Variants in PKD2 observed in about 807,000 individuals in gnomAD.
The protein encoded by PKD2 is polycystin 2, transient receptor potential cation channel, also known as polycystin-2.
PKD2 carries 48 observed loss-of-function variants against 105.9 expected under a neutral mutation model. That is an observed-to-expected ratio of 0.45 (90% CI 0.36 to 0.58). The LOEUF is 0.58. Ranked by LOEUF, PKD2 falls within the 20% of genes least tolerant of loss-of-function variation. The probability of loss-of-function intolerance (pLI) is 0.00; values close to 1 mark genes in which losing one functional copy is unlikely to be tolerated. For missense variants in PKD2, 1,078 were observed against 1,255.3 expected (o/e 0.86, Z 2.13); for synonymous variants, 464 against 481.1 (o/e 0.96, Z 0.46).
chr4:88,055,040 T>C (rs1040746364), intron 7 of PKD2, among the ~76,000 whole-genome samples: 1 of 152,216 alleles, frequency 6.6e-6, no homozygotes, highest in African/African-American at 2.4e-5. Flanking sequence ...CCATCCTCAG[T>C]GCCTTATCTA....
intron 2 of PKD2, 41 bp from the exon 3 acceptor site, chr4:88,036,179 G>C: frequency 6.2e-7 from 1 of 1,613,544 alleles, no homozygotes; most frequent in African/African-American, 1.3e-5. Context: ...AATGTGTGCC[G>C]GTTCCCTTGG....
intron 14 of PKD2, 25 bp downstream of exon 14, chr4:88,074,984 C>T (rs368880207): frequency 2.4e-5 from 38 of 1,612,030 alleles, no homozygotes; most frequent in Non-Finnish European, 3.1e-5. Flanking sequence ...GCTGAAAACA[C>T]CGCTGCTGAG....
At chr4:88,042,310 G>GA (rs1727594552) in intron 4 of PKD2, among the ~76,000 whole-genome samples, 3 of 152,334 alleles carry the variant, frequency 2.0e-5, no homozygotes, top group African/African-American at 7.2e-5. Context: ...CTTGTGCAGG[G>GA]AAAATCCCAC....
Position 88,008,035 on chromosome 4 carries a change from A to G in PKD2, c.302A>G (p.Glu101Gly). The G allele has an allele frequency of 6.6e-7, 1 of 1,520,930 alleles. No individual in the cohort carries two copies. Among genetic ancestry groups the G allele is most frequent in the Non-Finnish European group, 8.8e-7 (1 of 1,139,182 alleles). 94.2% of individuals were successfully genotyped at this position (1,520,930 alleles called of 1,614,324 possible). ...GGCTTCGAGGCCGAGGAGGAGGAGG[A>G]GGAGGTGGAAGGGGAAGAAGGCGGA... ...NPGFEAEEEE[E>G]EVEGEEGGMV... The change falls in exon 1 of 15, where the codon GAG (glutamate) becomes GGG (glycine). Residue 101 changes from glutamate to glycine, a missense_variant. Coordinates refer to ENST00000237596, the MANE Select transcript of PKD2 (RefSeq NM_000297.4).
At position 88,067,915 on chromosome 4, in the gene PKD2, T is replaced by A. The variant is rs762845744; in HGVS notation, c.2376T>A (p.Asp792Glu). ...TTCTTCAGGAGGACCTGGATTTGGA[T>A]CACAGTTCTTTACCACGTCCCATGA... is the stretch of plus-strand genomic sequence containing the variant. ...LEKEREDLDL[D>E]HSSLPRPMSS... is the part of the protein sequence containing the mutation. Residue 792 changes from aspartate to glutamate, a missense_variant, in exon 13 of 15, where the codon GAT (aspartate) becomes GAA (glutamate). This residue lies in a region of PKD2 where 868 missense variants were observed against 1,067.3 expected (regional missense o/e 0.81). Coordinates refer to ENST00000237596, the MANE Select transcript of PKD2 (RefSeq NM_000297.4). 1.2e-6 allele frequency: 2 copies of A among 1,613,976 alleles called. No individual in the cohort carries two copies. Among genetic ancestry groups the A allele is most frequent in the Non-Finnish European group, 1.7e-6 (2 of 1,179,970 alleles).
chr4:88,030,194 C>T (rs1451351583), intron 2 of PKD2, among the ~76,000 whole-genome samples: 2 of 152,148 alleles, frequency 1.3e-5, no homozygotes, highest in African/African-American at 4.8e-5. Context: ...CTCTGTCACC[C>T]AGGCTGGGGT....
chr4:88,040,763 TG>T, intron 4 of PKD2, among the ~76,000 whole-genome samples: 1 of 152,312 alleles, frequency 6.6e-6, no homozygotes, highest in African/African-American at 2.4e-5. Flanking sequence ...CTCTACACTT[TG>T]GGTTCTTTTA....
In PKD2 at chr4:88,071,497, T is replaced by C. The variant is rs113884454; in HGVS notation, c.2523-3315T>C. ...CTCAAAGACAGTTTCAGTTGTCTTT[T>C]TTTTTTTCTTCTTGTGTATGGGAAC... On this transcript the variant is annotated intron_variant, in intron 13 of 14. Transcript: ENST00000237596. Among the ~76,000 whole-genome samples, 1,420 of 152,272 alleles carry C rather than the reference T, an allele frequency of 9.3e-3. 21 individuals are homozygous for C. The highest frequency in any genetic ancestry group is 0.032 in the African/African-American group (1,334 of 41,552).
Position 88,053,589 on chromosome 4 carries a change from G to A in PKD2, c.1716+1431G>A, listed in dbSNP as rs557831595. Among the ~76,000 whole-genome samples, 6 of 151,754 alleles carry A rather than the reference G, an allele frequency of 4.0e-5. No individual in the cohort carries two copies. The East Asian group carries it at 7.8e-4, about 20-fold the overall frequency. ...GGAGGATTGCTTGAATCCAGAAGGC[G>A]GAGGGTGCAGTGAGCCAAGATCGCA... On this transcript the variant is annotated intron_variant, in intron 7 of 14. Coordinates refer to ENST00000237596, the MANE Select transcript of PKD2 (RefSeq NM_000297.4).
At chr4:88,036,438 A>G (rs1481007299) in intron 3 of PKD2, 85 bp downstream of exon 3, 13 of 1,595,662 alleles carry the variant, frequency 8.1e-6, no homozygotes, top group African/African-American at 1.3e-5. Flanking sequence ...GAGTATCGAC[A>G]GGACCTGCTT....
chr4:88,063,876 T>A (rs1420738409), intron 10 of PKD2, among the ~76,000 whole-genome samples: 1 of 150,482 alleles, frequency 6.6e-6, no homozygotes, highest in Non-Finnish European at 1.5e-5. Flanking sequence ...ATGTTGGGGC[T>A]GGACATGGTG....
intron 7 of PKD2, among the ~76,000 whole-genome samples, chr4:88,053,229 G>C (rs1720180142): frequency 6.6e-6 from 1 of 152,174 alleles, no homozygotes; most frequent in African/African-American, 2.4e-5. Context: ...AATGGCTACT[G>C]TCTAGGACAG....
At chr4:88,064,691 A>C (rs1470501502) in intron 10 of PKD2, among the ~76,000 whole-genome samples, 1 of 151,854 alleles carries the variant, frequency 6.6e-6, no homozygotes, top group Non-Finnish European at 1.5e-5. Flanking sequence ...CAGGAGTTCA[A>C]CACCAGCCTG....
At chr4:88,068,847 A>T (rs115205671) in intron 13 of PKD2, among the ~76,000 whole-genome samples, 422 of 152,312 alleles carry the variant, frequency 2.8e-3, no homozygotes, top group Non-Finnish European at 4.8e-3. Flanking sequence ...GGGGTATTAA[A>T]GTCTCCAAGT....
rs751152853 is a variant in PKD2, at chr4:88,062,007, A to AG, written c.2118+5dup. 2.2e-6 allele frequency: 3 copies of AG among 1,373,750 alleles called. No homozygotes were observed. The South Asian group carries it at 3.5e-5, about 16-fold the overall frequency. The allele number at this position is 1,373,750 out of a possible 1,614,324, so 85.1% of individuals were successfully genotyped here. ...AACTCTCAGATCTTATCAGAAAGGT[A>AG]GGAAAAACCTTAATTCTCAGAATTC... is the stretch of plus-strand genomic sequence containing the variant. On this transcript the variant is annotated splice_donor_region_variant and intron_variant, in intron 10 of 14. Transcript: ENST00000237596.
Position 88,057,670 on chromosome 4 carries a change from G to A in PKD2, c.1899-313G>A, listed in dbSNP as rs371282929. Among the ~76,000 whole-genome samples, 45 of 152,058 alleles carry A rather than the reference G, an allele frequency of 3.0e-4. No homozygotes were observed. In the South Asian group the frequency reaches 9.2e-3, roughly 31 times the overall value. On this transcript the variant is annotated intron_variant, in intron 8 of 14. Transcript: ENST00000237596. The stretch of plus-strand genomic sequence containing the variant: ...AGGCTGTTCTCGAACTCCTGACCTC[G>A]TGATCCGCCCGCCTCGGCCTCCCAA...
intron 2 of PKD2, among the ~76,000 whole-genome samples, chr4:88,030,649 AGAAGCTT>A (rs1727113562): frequency 6.6e-6 from 1 of 152,170 alleles, no homozygotes; most frequent in South Asian, 2.1e-4. Flanking sequence ...AGATCCAGGG[AGAAGCTT>A]AGTGGTGCCC....
At chr4:88,022,498 C>T (rs1250421105) in intron 2 of PKD2, among the ~76,000 whole-genome samples, 4 of 152,154 alleles carry the variant, frequency 2.6e-5, no homozygotes, top group South Asian at 2.1e-4. Context: ...TCCCCCATTC[C>T]TGTGATCTGT....
Position 88,058,016 on chromosome 4 carries a change from C to A in PKD2, c.1932C>A (p.Ile644=). The A allele has an allele frequency of 6.3e-7, 1 of 1,591,734 alleles. No homozygotes were observed. Among genetic ancestry groups the A allele is most frequent in the Non-Finnish European group, 8.6e-7 (1 of 1,159,590 alleles). ...FTQFRIILGD[I]NFAEIEEANR... is the part of the protein sequence containing the mutation. ...AATTCCGTATCATTTTGGGCGATAT[C>A]AACTTTGCAGAGATTGAGGAAGCTA... The change falls in exon 9 of 15, where the codon ATC becomes ATA. Residue 644 remains isoleucine (I), a synonymous_variant. Transcript: ENST00000237596.
Sources: gnomAD v4.1 joint callset for allele counts (sites outside exome capture counted in the v4.1 genomes callset) on GRCh38, gnomAD v4.1.1 for gene constraint, gnomAD v4.1.1 regional missense constraint, MANE v1.5 for transcripts, NCBI Gene and HGNC (gene_info 2026-07-23, HGNC 2026-07-21) for gene names.